Variants in CEP41 observed in about 807,000 individuals in gnomAD.
The protein encoded by CEP41 is centrosomal protein 41, also known as centrosomal protein of 41 kDa.
In CEP41, 32 loss-of-function variants were observed where a neutral mutation model predicts 44.3. The observed-to-expected ratio is 0.72, with a 90% CI of 0.54 to 0.97. CEP41 has a LOEUF of 0.97. Among genes scored for constraint, CEP41 ranks in the 50% least tolerant of loss-of-function variants. CEP41 has a pLI of 0.00. For synonymous variants in CEP41, 151 were observed against 168.5 expected, an observed-to-expected ratio of 0.90 and a Z score of 0.80; for missense variants, 432 against 455.2, an observed-to-expected ratio of 0.95 and a Z score of 0.46.
intron 5 of CEP41, among the ~76,000 whole-genome samples, chr7:130,406,771 GA>G (rs538184481): frequency 6.2e-5 from 9 of 144,522 alleles, no homozygotes; most frequent in African/African-American, 1.3e-4. Context: ...AAAATAACAG[GA>G]AAAAAAATCT....
Position 130,394,386 on chromosome 7 carries a change from C to A in CEP41, c.*4505G>T, listed in dbSNP as rs1554413676. The A allele has an allele frequency of 4.4e-6, 2 of 454,050 alleles. No individual in the cohort carries two copies. Among genetic ancestry groups the A allele is most frequent in the Non-Finnish European group, 8.8e-6 (2 of 226,784 alleles). 28.1% of individuals were successfully genotyped at this position (454,050 alleles called of 1,614,324 possible). A position where few individuals can be genotyped will look rare whatever the true frequency, so the allele number is the denominator to read the frequency against. On this transcript the variant is annotated 3_prime_UTR_variant, in exon 11 of 11. Coordinates refer to ENST00000223208, the MANE Select transcript of CEP41 (RefSeq NM_018718.3). ...TGGGTCAAAACATATAATGAAGAAT[C>A]TAGGAGCAAAGTAAGCTCTCCACAA... is the stretch of plus-strand genomic sequence containing the variant.
At position 130,396,975 on chromosome 7, in the gene CEP41, A is replaced by G. The variant is rs548313502; in HGVS notation, c.*1916T>C. 2.2e-6 allele frequency: 1 copy of G among 454,290 alleles called. No individual in the cohort carries two copies. Among genetic ancestry groups the G allele is most frequent in the East Asian group, 6.9e-5 (1 of 14,392 alleles). The allele number at this position is 454,290 out of a possible 1,614,324, so 28.1% of individuals were successfully genotyped here. On this transcript the variant is annotated 3_prime_UTR_variant, in exon 11 of 11. Coordinates refer to ENST00000223208, the MANE Select transcript of CEP41 (RefSeq NM_018718.3). ...AATAGAATCCGGCAGGGAAGTCTCA[A>G]CTCCTGACAAGTCACCTTTAAAACA... is the stretch of plus-strand genomic sequence containing the variant.
chr7:130,405,006 G>C (rs530798763), intron 5 of CEP41, among the ~76,000 whole-genome samples: 36 of 152,300 alleles, frequency 2.4e-4, no homozygotes, highest in Non-Finnish European at 4.6e-4. Flanking sequence ...ACCTTAGTAA[G>C]AATCAGGGCT....
At position 130,395,486 on chromosome 7, in the gene CEP41, G is replaced by A. The variant is rs1359244102; in HGVS notation, c.*3405C>T. 1 of 454,034 alleles carries A rather than the reference G, an allele frequency of 2.2e-6. No individual in the cohort carries two copies. The highest frequency in any genetic ancestry group is 4.4e-6 in the Non-Finnish European group (1 of 226,798). 28.1% of individuals were successfully genotyped at this position (454,034 alleles called of 1,614,324 possible). On this transcript the variant is annotated 3_prime_UTR_variant, in exon 11 of 11. Transcript: ENST00000223208. ...AAGGTTCTTACTGATTATCTTCAGA[G>A]TAGAGCAAGAAGGTGGTCATGGATT...
At position 130,404,666 on chromosome 7, in the gene CEP41, G is replaced by A. The variant is rs141025803; in HGVS notation, c.320C>T (p.Ala107Val). The A allele has an allele frequency of 1.2e-5, 19 of 1,612,022 alleles. No homozygotes were observed. Among genetic ancestry groups the A allele is most frequent in the Non-Finnish European group, 1.4e-5 (17 of 1,178,256 alleles). The change falls in exon 6 of 11, where the codon GCC becomes GTC. Residue 107 changes from alanine (A) to valine (V), a missense_variant. By Grantham distance (64) the Ala-to-Val change is moderately conservative. Coordinates refer to ENST00000223208, the MANE Select transcript of CEP41 (RefSeq NM_018718.3). ...AASDPDAETT[A>V]RTNGKGNPGE... ...TGGATTTCCTTTCCCATTGGTCCTG[G>A]CAGTGGTTTCAGCATCAGGGTCTGA...
In CEP41 at chr7:130,397,700, C is replaced by T. The variant is rs781848072; in HGVS notation, c.*1191G>A. 96 of 454,072 alleles carry T rather than the reference C, an allele frequency of 2.1e-4. No individual in the cohort carries two copies. Among genetic ancestry groups the T allele is most frequent in the African/African-American group, 6.0e-5 (3 of 49,914 alleles). 28.1% of individuals were successfully genotyped at this position (454,072 alleles called of 1,614,324 possible). A position where few individuals can be genotyped will look rare whatever the true frequency, so the allele number is the denominator to read the frequency against. On this transcript the variant is annotated 3_prime_UTR_variant, in exon 11 of 11. Coordinates refer to ENST00000223208, the MANE Select transcript of CEP41 (RefSeq NM_018718.3). ...CGATCACAGACCATAAAAATTAACA[C>T]CGCTCTTTTCCATCTGATTTCAGAG...
chr7:130,440,643 G>A (rs1239233587), intron 1 of CEP41: 1 of 582,478 alleles, frequency 1.7e-6, no homozygotes, highest in African/African-American at 1.9e-5. Flanking sequence ...GTCACTCCGA[G>A]ACTGTAAGCC....
rs1796794604 is a variant in CEP41 at position 130,400,050 on chromosome 7, G to A, written c.962C>T (p.Ala321Val). 1.2e-6 allele frequency: 2 copies of A among 1,602,134 alleles called. No homozygotes were observed. The highest frequency in any genetic ancestry group is 1.7e-6 in the Non-Finnish European group (2 of 1,170,670). ...EYYLEEEQGP[A>V]DHPSRLNQAN... ...TCAAAAGATCTTACTAGGATGATCT[G>A]CAGGCCCTTGCTCCTCTTCCAGATA... Residue 321 changes from alanine (A) to valine (V), a missense_variant, in exon 10 of 11, where the codon GCA becomes GTA. Coordinates refer to ENST00000223208, the MANE Select transcript of CEP41 (RefSeq NM_018718.3).
chr7:130,400,801 G>A lies in CEP41; in HGVS notation c.663C>T (p.Ile221=). 1 of 1,612,304 alleles carries A rather than the reference G, an allele frequency of 6.2e-7. No homozygotes were observed. Among genetic ancestry groups the A allele is most frequent in the Non-Finnish European group, 8.5e-7 (1 of 1,179,004 alleles). ...TTTCATCATCGTCATACAGAATGATGATCTTGCCATGGGCATTTTTCTAAG... is the reference window on the plus strand; with the variant it reads ...TTTCATCATCGTCATACAGAATGATAATCTTGCCATGGGCATTTTTCTAAG... ...ILEYKNAHGK[I]IILYDDDERL... is the part of the protein sequence containing the mutation. Residue 221 remains isoleucine, a synonymous_variant, in exon 9 of 11, where the codon ATC becomes ATT. Transcript: ENST00000223208.
rs1554415893 is a variant in CEP41, at chr7:130,398,587, A to C, written c.*304T>G. ...GACCTTATTAAAAAAAAACAAAACAAAAAAACTAAAAACGTAGATACTTTT... is the reference window on the plus strand; with the variant it reads ...GACCTTATTAAAAAAAAACAAAACACAAAAACTAAAAACGTAGATACTTTT... On this transcript the variant is annotated 3_prime_UTR_variant, in exon 11 of 11. Coordinates refer to ENST00000223208, the MANE Select transcript of CEP41 (RefSeq NM_018718.3). 1 of 542,222 alleles carries C rather than the reference A, an allele frequency of 1.8e-6. No homozygotes were observed. The highest frequency in any genetic ancestry group is 3.5e-6 in the Non-Finnish European group (1 of 285,036). The allele number at this position is 542,222 out of a possible 1,614,324, so 33.6% of individuals were successfully genotyped here.
At position 130,396,003 on chromosome 7, in the gene CEP41, T is replaced by C. The variant is rs1380798051; in HGVS notation, c.*2888A>G. ...GGTGTTCCTTTTGTTTTCAAATAAG[T>C]AATGTAGCTTTCTCCTTTCTCTCTC... is the stretch of plus-strand genomic sequence containing the variant. On this transcript the variant is annotated 3_prime_UTR_variant, in exon 11 of 11. Transcript: ENST00000223208. 8.8e-6 allele frequency: 4 copies of C among 453,974 alleles called. No individual in the cohort carries two copies. The highest frequency in any genetic ancestry group is 1.3e-5 in the Non-Finnish European group (3 of 226,794). The allele number at this position is 453,974 out of a possible 1,614,324, so 28.1% of individuals were successfully genotyped here. A position where few individuals can be genotyped will look rare whatever the true frequency, so the allele number is the denominator to read the frequency against.
intron 8 of CEP41, 48 bp from the exon 9 acceptor site, chr7:130,400,869 A>T: frequency 8.1e-7 from 1 of 1,227,564 alleles, no homozygotes; most frequent in Non-Finnish European, 1.2e-6. Flanking sequence ...CTGATGTCCC[A>T]AGACTACGAG....
chr7:130,399,960 G>T, intron 10 of CEP41, 79 bp downstream of exon 10: 1 of 1,004,682 alleles, frequency 1.0e-6, no homozygotes, highest in African/African-American at 1.6e-5. Context: ...CTAAATATAA[G>T]AGATGAAGGT....
chr7:130,423,318 T>C (rs1423195327), intron 2 of CEP41, among the ~76,000 whole-genome samples: 3 of 152,278 alleles, frequency 2.0e-5, no homozygotes, highest in African/African-American at 4.8e-5. Context: ...ATGATTTGAA[T>C]AGACATTTCT....
intron 2 of CEP41, chr7:130,420,473 A>C (rs532538340): frequency 6.6e-5 from 10 of 152,022 alleles, no homozygotes; most frequent in African/African-American, 2.4e-4. Flanking sequence ...CATCTCTACA[A>C]TAAATAAATA....
rs1796722733 is a variant in CEP41 at position 130,398,053 on chromosome 7, C to T, written c.*838G>A. ...CTGGCCATAATTTCTGTCCATCTAA[C>T]ATGGATGGACTGAAGCTGGGCAATG... On this transcript the variant is annotated 3_prime_UTR_variant, in exon 11 of 11. Transcript: ENST00000223208. 2.2e-6 allele frequency: 1 copy of T among 454,058 alleles called. No homozygotes were observed. Among genetic ancestry groups the T allele is most frequent in the African/African-American group, 2.0e-5 (1 of 50,010 alleles). 28.1% of individuals were successfully genotyped at this position (454,058 alleles called of 1,614,324 possible). A position where few individuals can be genotyped will look rare whatever the true frequency, so the allele number is the denominator to read the frequency against.
At chr7:130,422,083 T>C in intron 2 of CEP41, 1 of 1,513,564 alleles carries the variant, frequency 6.6e-7, no homozygotes, top group Non-Finnish European at 8.8e-7. Context: ...AGTGTTTGAG[T>C]TCATATGAGA....
chr7:130,400,963 C>G (rs1030826886), intron 8 of CEP41, 142 bp from the exon 9 acceptor site: 21 of 682,110 alleles, frequency 3.1e-5, no homozygotes, highest in South Asian at 1.4e-4. Flanking sequence ...GTCACACCAG[C>G]AGGGACTGGA....
chr7:130,401,397 AAC>A (rs1157408279), intron 8 of CEP41, among the ~76,000 whole-genome samples: 2 of 152,240 alleles, frequency 1.3e-5, no homozygotes, highest in Non-Finnish European at 2.9e-5. Context: ...AAAAAAAACA[AAC>A]ACACAGAAGA....
Sources: allele counts gnomAD v4.1 joint callset (sites outside exome capture counted in the v4.1 genomes callset), GRCh38; gene constraint gnomAD v4.1.1; transcripts MANE v1.5; gene names NCBI Gene and HGNC (gene_info 2026-07-23, HGNC 2026-07-21).